DNAH5: variants seen among roughly 807,000 people sequenced by gnomAD.
The protein encoded by DNAH5 is axonemal beta dynein heavy chain 5.
DNAH5 carries 372 observed loss-of-function variants against 518.2 expected under a neutral mutation model. That is an observed-to-expected ratio of 0.72 (90% CI 0.66 to 0.78). The LOEUF is 0.78. DNAH5 is among the 30% of genes least tolerant of loss of function. The pLI, the probability that DNAH5 is intolerant of heterozygous loss-of-function variation, is 0.00. For missense variants in DNAH5, 5,523 were observed against 5,687.0 expected (o/e 0.97, Z 0.93); for synonymous variants, 2,039 against 2,025.9 (o/e 1.01, Z -0.17).
rs759750088 is a variant in DNAH5, at chr5:13,708,295, A to G, written c.13166T>C (p.Met4389Thr). The G allele has an allele frequency of 1.2e-6, 2 of 1,614,168 alleles. No individual in the cohort carries two copies. Among genetic ancestry groups the G allele is most frequent in the Admixed American group, 1.7e-5 (1 of 60,028 alleles). Residue 4389 changes from methionine to threonine, a missense_variant, in exon 76 of 79, where the codon ATG becomes ACG. By Grantham distance (81) the Met-to-Thr change is moderately conservative. This residue lies in a region of DNAH5 where 387 missense variants were observed against 430.0 expected (regional missense o/e 0.90). Transcript: ENST00000265104. ...RLQKMGPFQPMNIFLRQEIDR... is the reference protein window; with the variant it reads ...RLQKMGPFQPTNIFLRQEIDR... ...TATTTCCTGCCTGAGGAAAATGTTCATAGGCTGGAATGGCCCCATCTTCTG... is the reference window on the plus strand; with the variant it reads ...TATTTCCTGCCTGAGGAAAATGTTCGTAGGCTGGAATGGCCCCATCTTCTG...
At chr5:13,790,533 G>A (rs577002442) in intron 50 of DNAH5, among the ~76,000 whole-genome samples, 311 of 152,266 alleles carry the variant, frequency 2.0e-3, no homozygotes, top group Non-Finnish European at 3.7e-3. Context: ...TCAAGGGAGA[G>A]ACCACAAGGA....
intron 39 of DNAH5, 85 bp downstream of exon 39, chr5:13,824,111 TTTA>T: frequency 2.3e-6 from 3 of 1,329,656 alleles, no homozygotes; most frequent in Non-Finnish European, 2.2e-6. Context: ...AAATGAGCAT[TTTA>T]AATAAATATT....
chr5:13,737,357 C>A lies in DNAH5; in HGVS notation c.11350G>T (p.Val3784Leu), dbSNP rs375636304. The change falls in exon 66 of 79, where the codon GTG becomes TTG. Residue 3784 changes from valine (V) to leucine (L), a missense_variant. Physicochemically the swap from Val to Leu is conservative, Grantham distance 32. This residue lies in a region of DNAH5 where 5,121 missense variants were observed against 5,223.3 expected (regional missense o/e 0.98). Transcript: ENST00000265104. ...SLVEDESLIV[V>L]LSNTKRTAEE... ...GCTGTCCTTTTTGTGTTACTCAGCA[C>A]GACAATGAGACTTTCATCTTCTACC... 3.1e-5 allele frequency: 50 copies of A among 1,613,968 alleles called. No homozygotes were observed. The highest frequency in any genetic ancestry group is 4.0e-5 in the Non-Finnish European group (47 of 1,180,002).
chr5:13,954,354 G>C (rs168131), intron 1 of DNAH5, among the ~76,000 whole-genome samples: 97,510 of 152,046 alleles, frequency 0.64, 31,994 homozygotes, highest in Non-Finnish European at 0.69. Flanking sequence ...GGAATCCAGG[G>C]TGCTATACCA....
At position 13,737,247 on chromosome 5, in the gene DNAH5, C is replaced by T. The variant is rs1456774620; in HGVS notation, c.11455+5G>A. On this transcript the variant is annotated splice_donor_5th_base_variant and intron_variant, in intron 66 of 78. Transcript: ENST00000265104. ...GTGACATTTGTCTTTCATTACCAAA[C>T]TCACCAGGTCTGTATTCCTCCCGGG... 1 of 1,613,928 alleles carries T rather than the reference C, an allele frequency of 6.2e-7. No homozygotes were observed. Among genetic ancestry groups the T allele is most frequent in the Non-Finnish European group, 8.5e-7 (1 of 1,179,970 alleles).
intron 1 of DNAH5, among the ~76,000 whole-genome samples, chr5:13,937,260 T>C (rs935963643): frequency 1.3e-5 from 2 of 148,532 alleles, no homozygotes; most frequent in Non-Finnish European, 3.0e-5. Flanking sequence ...TTAACAGTTA[T>C]CTAGTGTGCT....
intron 68 of DNAH5, among the ~76,000 whole-genome samples, chr5:13,733,771 A>G (rs1005053501): frequency 1.3e-5 from 2 of 152,000 alleles, no homozygotes; most frequent in Non-Finnish European, 2.9e-5. Context: ...ATGACTATGG[A>G]CCTATAACCC....
chr5:13,841,081 G>C lies in DNAH5; in HGVS notation c.5534C>G (p.Ala1845Gly). 1 of 1,614,082 alleles carries C rather than the reference G, an allele frequency of 6.2e-7. No individual in the cohort carries two copies. The change falls in exon 34 of 79, where the codon GCC becomes GGC. Residue 1845 changes from alanine (A) to glycine (G), a missense_variant. Ala to Gly is a moderately conservative substitution (Grantham distance 60, BLOSUM62 0). This residue lies in a region of DNAH5 where 5,121 missense variants were observed against 5,223.3 expected (regional missense o/e 0.98). Coordinates refer to ENST00000265104, the MANE Select transcript of DNAH5 (RefSeq NM_001369.3). ...QMIWTRDSEE[A>G]LRNAKFDKKI... ...TTTATCAAACTTGGCATTTCTAAGG[G>C]CTTCTTCTGAATCCCGTGTCCATAT...
At chr5:14,004,939 G>A (rs1407421274) in intron 1 of DNAH5, among the ~76,000 whole-genome samples, 3 of 151,954 alleles carry the variant, frequency 2.0e-5, no homozygotes, top group African/African-American at 4.8e-5. Flanking sequence ...TTGGCCCATC[G>A]TGTCCCAAAC....
chr5:13,810,194 C>T lies in DNAH5; in HGVS notation c.7474G>A (p.Ala2492Thr). Residue 2492 changes from alanine (A) to threonine (T), a missense_variant, in exon 45 of 79, where the codon GCG becomes ACG. By Grantham distance (58) the Ala-to-Thr change is moderately conservative. This residue lies in a region of DNAH5 where 5,121 missense variants were observed against 5,223.3 expected (regional missense o/e 0.98). Transcript: ENST00000265104. ...CCGTCCAGCTCCAGCGCCGCCCCCG[C>T]GCTCCACAGCAGCGCGAACACGAAC... ...RLFVFALLWSAGAALELDGRR... is the reference protein window; with the variant it reads ...RLFVFALLWSTGAALELDGRR... 2 of 1,549,646 alleles carry T rather than the reference C, an allele frequency of 1.3e-6. No individual in the cohort carries two copies. The highest frequency in any genetic ancestry group is 2.0e-5 in the Admixed American group (1 of 50,946).
rs777683929 is a variant in DNAH5 at position 13,923,427 on chromosome 5, A to G, written c.291T>C (p.Ser97=). ...CAGAAACAAGATTTACCCCTCCTAG[A>G]GAGCCAAGTTGTCCTACAAAAGCAA... ...VEEAETGQLG[S]LGGVNLVSGK... Residue 97 remains serine (S), a synonymous_variant, in exon 4 of 79, where the codon TCT becomes TCC. Coordinates refer to ENST00000265104, the MANE Select transcript of DNAH5 (RefSeq NM_001369.3). 3.0e-5 allele frequency: 48 copies of G among 1,614,140 alleles called. No individual in the cohort carries two copies. Among genetic ancestry groups the G allele is most frequent in the Non-Finnish European group, 3.8e-5 (45 of 1,179,990 alleles).
At chr5:13,970,602 C>T (rs1781799881) in intron 1 of DNAH5, among the ~76,000 whole-genome samples, 1 of 152,150 alleles carries the variant, frequency 6.6e-6, no homozygotes. Context: ...TTTAAGGAGG[C>T]TAACAACAGG....
At chr5:13,705,162 T>G (rs1323335496) in intron 76 of DNAH5, among the ~76,000 whole-genome samples, 2 of 152,030 alleles carry the variant, frequency 1.3e-5, no homozygotes, top group Admixed American at 1.3e-4. Context: ...CAGCTAATTT[T>G]TTGTAGTTTT....
chr5:13,840,837 C>G, intron 34 of DNAH5, 69 bp downstream of exon 34: 1 of 1,270,758 alleles, frequency 7.9e-7, no homozygotes, highest in Non-Finnish European at 1.1e-6. Flanking sequence ...ACTAGTTCTA[C>G]TGGGTAAATG....
chr5:13,873,744 T>G (rs1217380191), intron 22 of DNAH5, among the ~76,000 whole-genome samples: 1 of 152,160 alleles, frequency 6.6e-6, no homozygotes, highest in East Asian at 1.9e-4. Flanking sequence ...CAAGTGATCC[T>G]CTCATCTCGG....
At chr5:13,935,119 A>G (rs1326651736) in intron 1 of DNAH5, among the ~76,000 whole-genome samples, 5 of 152,210 alleles carry the variant, frequency 3.3e-5, no homozygotes, top group Non-Finnish European at 7.3e-5. Context: ...AACTAAAAAT[A>G]AAAGAAGTAG....
At position 13,729,098 on chromosome 5, in the gene DNAH5, GA is replaced by G. The variant is rs542070779; in HGVS notation, c.11883+340del. On this transcript the variant is annotated intron_variant, in intron 69 of 78. Transcript: ENST00000265104. ...CATATGTCTTTTCATTTAACCTCTA[GA>G]AAGAAGGAAAAGGCTTTTTAAGTCT... Among the ~76,000 whole-genome samples the G allele has an allele frequency of 1.3e-3, 196 of 152,304 alleles. 2 individuals are homozygous for G. Among genetic ancestry groups the G allele is most frequent in the African/African-American group, 4.4e-3 (183 of 41,564 alleles).
intron 38 of DNAH5, among the ~76,000 whole-genome samples, chr5:13,828,330 T>A: frequency 6.6e-6 from 1 of 152,350 alleles, no homozygotes; most frequent in African/African-American, 2.4e-5. Context: ...ATTATATATG[T>A]TAGGAAGTGT....
Position 13,777,183 on chromosome 5 carries a change from A to G in DNAH5, c.9105+19T>C, listed in dbSNP as rs776582784. On this transcript the variant is annotated intron_variant, in intron 54 of 78. Transcript: ENST00000265104. ...AAATCTGAAGGGATAAAACACATAA[A>G]GAATAAATGAGCTCCTACCTCACCT... is the stretch of plus-strand genomic sequence containing the variant. 16 of 1,609,768 alleles carry G rather than the reference A, an allele frequency of 9.9e-6. No homozygotes were observed. Among genetic ancestry groups the G allele is most frequent in the Non-Finnish European group, 1.4e-5 (16 of 1,176,972 alleles).
Sources: allele counts gnomAD v4.1 joint callset (sites outside exome capture counted in the v4.1 genomes callset), GRCh38; gene constraint gnomAD v4.1.1; regional missense constraint gnomAD v4.1.1; transcripts MANE v1.5; gene names NCBI Gene and HGNC (gene_info 2026-07-23, HGNC 2026-07-21).